The following RBFOX1 variants were observed in gnomAD, a reference collection of about 807,000 sequenced individuals.
The protein encoded by RBFOX1 is RNA binding protein fox-1 homolog 1.
In RBFOX1, 8 loss-of-function variants were observed where a neutral mutation model predicts 57.7. The observed-to-expected ratio is 0.14, with a 90% CI of 0.08 to 0.25. The LOEUF is 0.25. Ranked by LOEUF, RBFOX1 falls within the 10% of genes least tolerant of loss-of-function variation. The pLI, the probability that RBFOX1 is intolerant of heterozygous loss-of-function variation, is 1.00. For synonymous variants in RBFOX1, 326 were observed against 222.4 expected, an observed-to-expected ratio of 1.47 and a Z score of -4.15; for missense variants, 611 against 548.5, an observed-to-expected ratio of 1.11 and a Z score of -1.14.
chr16:6,807,983 G>A (rs1373404584), intron 3 of RBFOX1, among the ~76,000 whole-genome samples: 1 of 148,208 alleles, frequency 6.7e-6, no homozygotes, highest in Non-Finnish European at 1.5e-5. Context: ...ATTGTACCCT[G>A]TATATATATA....
intron 4 of RBFOX1, among the ~76,000 whole-genome samples, chr16:7,085,361 A>T (rs1301047153): frequency 6.6e-6 from 1 of 152,016 alleles, no homozygotes; most frequent in African/African-American, 2.4e-5. Flanking sequence ...AGTACTTCAA[A>T]AAAAAATATA....
chr16:6,168,127 C>A (rs1263537881), intron 1 of RBFOX1, among the ~76,000 whole-genome samples: 2 of 152,132 alleles, frequency 1.3e-5, no homozygotes, highest in Non-Finnish European at 2.9e-5. Flanking sequence ...CATTTTAATT[C>A]GTTTTCCCTC....
At chr16:6,938,297 T>C (rs980720715) in intron 3 of RBFOX1, among the ~76,000 whole-genome samples, 1 of 152,152 alleles carries the variant, frequency 6.6e-6, no homozygotes. Context: ...TATTTTTTGG[T>C]ATCGTCACAA....
intron 1 of RBFOX1, among the ~76,000 whole-genome samples, chr16:6,271,672 C>A (rs2075235255): frequency 6.6e-6 from 1 of 152,148 alleles, no homozygotes; most frequent in Non-Finnish European, 1.5e-5. Flanking sequence ...CCGTAAATAA[C>A]TCCACAAACT....
intron 1 of RBFOX1, among the ~76,000 whole-genome samples, chr16:6,077,845 C>A (rs1198639490): frequency 6.6e-6 from 1 of 151,898 alleles, no homozygotes; most frequent in Non-Finnish European, 1.5e-5. Flanking sequence ...CCTCTTAGAG[C>A]TTTTGGGAGC....
chr16:6,567,910 T>G (rs1233314430), intron 2 of RBFOX1, among the ~76,000 whole-genome samples: 1 of 152,120 alleles, frequency 6.6e-6, no homozygotes, highest in Non-Finnish European at 1.5e-5. Context: ...AGCCTTGAAC[T>G]GCCAGGCTCA....
At chr16:6,764,829 C>A (rs146971046) in intron 3 of RBFOX1, among the ~76,000 whole-genome samples, 1 of 151,856 alleles carries the variant, frequency 6.6e-6, no homozygotes. Context: ...CCTAGCTACT[C>A]GGGAAGCTGA....
intron 3 of RBFOX1, among the ~76,000 whole-genome samples, chr16:5,648,314 A>G: frequency 6.6e-6 from 1 of 152,238 alleles, no homozygotes; most frequent in East Asian, 1.9e-4. Flanking sequence ...TCACTTTCTT[A>G]GGTAGTGCAA....
At chr16:7,041,282 G>A (rs1001761101) in intron 3 of RBFOX1, among the ~76,000 whole-genome samples, 17 of 151,982 alleles carry the variant, frequency 1.1e-4, no homozygotes, top group South Asian at 6.2e-4. Context: ...TTGTTTACAC[G>A]TTGTCAGTGG....
intron 3 of RBFOX1, among the ~76,000 whole-genome samples, chr16:5,629,263 G>T (rs929005061): frequency 1.3e-5 from 2 of 152,146 alleles, no homozygotes; most frequent in African/African-American, 4.8e-5. Context: ...ATCTTCTAAG[G>T]ATGTACCAGT....
intron 4 of RBFOX1, among the ~76,000 whole-genome samples, chr16:7,436,882 C>T (rs1239767699): frequency 5.3e-5 from 8 of 151,878 alleles, no homozygotes; most frequent in Non-Finnish European, 8.8e-5. Context: ...GCAAATATGG[C>T]GAAGCCCCAT....
intron 5 of RBFOX1, among the ~76,000 whole-genome samples, chr16:7,540,639 A>T (rs1313735673): frequency 6.6e-6 from 1 of 152,128 alleles, no homozygotes; most frequent in Non-Finnish European, 1.5e-5. Context: ...ATGTCCGTAA[A>T]CCTGCTCATG....
chr16:5,563,686 T>A (rs1176644475), intron 2 of RBFOX1, among the ~76,000 whole-genome samples: 1 of 152,224 alleles, frequency 6.6e-6, no homozygotes, highest in Non-Finnish European at 1.5e-5. Context: ...TATTGATATA[T>A]AATTCATATG....
intron 3 of RBFOX1, among the ~76,000 whole-genome samples, chr16:5,704,812 T>G (rs868679259): frequency 7.2e-5 from 11 of 152,182 alleles, no homozygotes; most frequent in African/African-American, 2.7e-4. Context: ...AGTTGGCCAG[T>G]GCCAGGACCC....
chr16:6,721,324 T>G (rs900870478), intron 3 of RBFOX1, among the ~76,000 whole-genome samples: 4 of 152,036 alleles, frequency 2.6e-5, no homozygotes, highest in African/African-American at 9.7e-5. Flanking sequence ...GTGCCTGTAA[T>G]CCCAACTACT....
At chr16:7,326,072 C>T (rs1231605666) in intron 4 of RBFOX1, among the ~76,000 whole-genome samples, 1 of 152,102 alleles carries the variant, frequency 6.6e-6, no homozygotes, top group South Asian at 2.1e-4. Context: ...GTTGTTTAAC[C>T]TTGGACAAGT....
intron 4 of RBFOX1, among the ~76,000 whole-genome samples, chr16:5,883,095 T>C (rs2057803685): frequency 6.6e-6 from 1 of 152,106 alleles, no homozygotes. Context: ...GAAAATTGGG[T>C]ACTTGAATCA....
chr16:5,710,781 G>A lies in RBFOX1; in HGVS notation c.318+111820G>A, dbSNP rs557250025. On this transcript the variant is annotated intron_variant, in intron 3 of 19. Coordinates refer to the RBFOX1 transcript ENST00000641259. ...CTCTGTGTCCCTGGGGACCCCTGGC[G>A]TTTTCTGGGCTTGTTGGCAGTGGTT... Among the ~76,000 whole-genome samples the A allele has an allele frequency of 4.6e-5, 7 of 152,260 alleles. 1 individual carries two copies. Among genetic ancestry groups the A allele is most frequent in the Admixed American group, 3.3e-4 (5 of 15,308 alleles).
At chr16:6,983,391 G>C (rs928342602) in intron 3 of RBFOX1, among the ~76,000 whole-genome samples, 1 of 151,476 alleles carries the variant, frequency 6.6e-6, no homozygotes, top group African/African-American at 2.4e-5. Context: ...TAGGGTGGGA[G>C]AATATCGAGA....
Sources: allele counts gnomAD v4.1 joint callset (sites outside exome capture counted in the v4.1 genomes callset), GRCh38; gene constraint gnomAD v4.1.1; transcripts MANE v1.5; gene names NCBI Gene and HGNC (gene_info 2026-07-23, HGNC 2026-07-21).